The following SEM1 variants were observed in gnomAD, a reference collection of about 807,000 sequenced individuals.
SEM1 encodes SEM1 26S proteasome subunit, also known as 26S proteasome complex subunit SEM1.
Under a neutral mutation model 12.7 loss-of-function variants are expected in SEM1, and 3 were observed. That is an observed-to-expected ratio of 0.24 (90% CI 0.11 to 0.61). SEM1 has a LOEUF of 0.61. Ranked by LOEUF, SEM1 falls within the 20% of genes least tolerant of loss-of-function variation. The pLI is 0.88. For missense variants in SEM1, 59 were observed against 81.3 expected, an observed-to-expected ratio of 0.73 and a Z score of 1.06; for synonymous variants, 30 against 27.8, an observed-to-expected ratio of 1.08 and a Z score of -0.25.
At chr7:96,652,495 AATTT>A (rs1369057054) in intron 2 of SEM1, among the ~76,000 whole-genome samples, 2 of 152,116 alleles carry the variant, frequency 1.3e-5, no homozygotes, top group African/African-American at 2.4e-5. Flanking sequence ...GAATAGAGAA[AATTT>A]ATTTATCTAG....
intron 2 of SEM1, among the ~76,000 whole-genome samples, chr7:96,585,018 C>T (rs561786892): frequency 1.6e-4 from 25 of 151,672 alleles, no homozygotes; most frequent in African/African-American, 5.1e-4. Flanking sequence ...TGAGGAACTG[C>T]GTTCCTTTGG....
intron 2 of SEM1, among the ~76,000 whole-genome samples, chr7:96,615,634 T>C (rs1807694709): frequency 6.6e-6 from 1 of 152,242 alleles, no homozygotes; most frequent in Non-Finnish European, 1.5e-5. Context: ...CAAGTGCAGA[T>C]ATCTTAAATG....
exon 4 of SEM1, chr7:96,483,239 T>A (rs2117188269): frequency 6.6e-6 from 1 of 152,512 alleles, no homozygotes; most frequent in Admixed American, 6.5e-5. Flanking sequence ...TTACTCCCAC[T>A]TTTAAAAGGG....
intron 2 of SEM1, among the ~76,000 whole-genome samples, chr7:96,528,452 A>T (rs1343678186): frequency 6.6e-6 from 1 of 152,134 alleles, no homozygotes; most frequent in Non-Finnish European, 1.5e-5. Context: ...TCAGCCTCCC[A>T]AAATGCTGGG....
intron 2 of SEM1, among the ~76,000 whole-genome samples, chr7:96,641,715 T>C (rs1256443554): frequency 6.6e-6 from 1 of 152,172 alleles, no homozygotes; most frequent in African/African-American, 2.4e-5. Context: ...AATTTGGAGA[T>C]TTAGGCAGAC....
Position 96,681,115 on chromosome 7 carries a change from A to G in SEM1, c.171-7256T>C, listed in dbSNP as rs141518782. On this transcript the variant is annotated intron_variant, in intron 2 of 2. Transcript: ENST00000413065. ...TTTAATCACTTTTTGCTTGGGTGAT[A>G]TATCTTTGATTTACTCTTCAGAAGT... Among the ~76,000 whole-genome samples, 420 of 152,220 alleles carry G rather than the reference A, an allele frequency of 2.8e-3. 2 individuals carry two copies. The highest frequency in any genetic ancestry group is 9.4e-3 in the African/African-American group (389 of 41,540).
At chr7:96,605,765 C>A (rs911077653) in intron 2 of SEM1, among the ~76,000 whole-genome samples, 4 of 151,926 alleles carry the variant, frequency 2.6e-5, no homozygotes, top group African/African-American at 9.7e-5. Flanking sequence ...TCACTTTTTG[C>A]AGTTTTAGTT....
intron 2 of SEM1, among the ~76,000 whole-genome samples, chr7:96,665,387 T>C (rs2116547977): frequency 6.6e-6 from 1 of 152,340 alleles, no homozygotes; most frequent in East Asian, 1.9e-4. Context: ...CCTAAAAATA[T>C]GGCCTTGGTT....
At chr7:96,624,198 A>T (rs1406647541) in intron 2 of SEM1, among the ~76,000 whole-genome samples, 2 of 152,322 alleles carry the variant, frequency 1.3e-5, no homozygotes, top group East Asian at 1.9e-4. Flanking sequence ...ATATAAGAAG[A>T]TCTAAAATTT....
chr7:96,619,401 A>G (rs1320196768), downstream of SEM1, among the ~76,000 whole-genome samples: 1 of 118,328 alleles, frequency 8.5e-6, no homozygotes, highest in East Asian at 2.5e-4. Flanking sequence ...GACTTAAGGC[A>G]TAGCTATTAG....
At chr7:96,622,524 A>G (rs1197017736), downstream of SEM1, 6 of 720,022 alleles carry the variant, frequency 8.3e-6, no homozygotes, top group African/African-American at 8.7e-5. Context: ...GGAAGCTCTC[A>G]TATGGCAAGG....
intron 2 of SEM1, among the ~76,000 whole-genome samples, chr7:96,539,939 C>A (rs1265293098): frequency 1.3e-5 from 2 of 150,304 alleles, no homozygotes; most frequent in Non-Finnish European, 3.0e-5. Flanking sequence ...AATAGCAAAA[C>A]CTGCAATTAC....
At chr7:96,635,578 G>C (rs764550538) in intron 2 of SEM1, among the ~76,000 whole-genome samples, 7 of 152,122 alleles carry the variant, frequency 4.6e-5, no homozygotes, top group Non-Finnish European at 7.4e-5. Context: ...GAAGGAAGTA[G>C]TTCAGGGAAG....
rs116175635 is a variant in SEM1 at position 96,526,511 on chromosome 7, A to T, written c.171-19813T>A. ...CACCACCCAAACTAAACCAGAAAGA[A>T]AAAGAAGGGTCCTGGCAGCTTCCTT... On this transcript the variant is annotated intron_variant and NMD_transcript_variant, in intron 2 of 3. Transcript: ENST00000466986. 9.5e-4 allele frequency among the ~76,000 whole-genome samples: 145 copies of T among 152,244 alleles called. 1 individual carries two copies. Among genetic ancestry groups the T allele is most frequent in the African/African-American group, 3.4e-3 (141 of 41,564 alleles).
intron 2 of SEM1, among the ~76,000 whole-genome samples, chr7:96,582,776 T>C (rs1806461202): frequency 2.0e-5 from 3 of 152,388 alleles, no homozygotes; most frequent in South Asian, 2.1e-4. Context: ...GTTTGTAGTA[T>C]TATCTTATGG....
chr7:96,546,659 T>C (rs1805112460), intron 2 of SEM1, among the ~76,000 whole-genome samples: 1 of 152,108 alleles, frequency 6.6e-6, no homozygotes, highest in Non-Finnish European at 1.5e-5. Flanking sequence ...CACTGGAACA[T>C]TCCACCGGCA....
At chr7:96,686,225 CT>C (rs1256268028), downstream of SEM1, among the ~76,000 whole-genome samples, 1 of 152,072 alleles carries the variant, frequency 6.6e-6, no homozygotes, top group Non-Finnish European at 1.5e-5. Flanking sequence ...TTTTTTTCAT[CT>C]GCCTGACTAA....
In SEM1 at chr7:96,698,378, C is replaced by T. The variant is rs148015106; in HGVS notation, c.77-3487G>A. 1.9e-3 allele frequency among the ~76,000 whole-genome samples: 283 copies of T among 151,920 alleles called. 1 individual carries two copies. The highest frequency in any genetic ancestry group is 3.4e-3 in the Middle Eastern group (1 of 294). ...CATCACCTAGGTTTTAAGTCCCACA[C>T]GAATTAAGTATTTCTCCTAATGCCA... is the stretch of plus-strand genomic sequence containing the variant. On this transcript the variant is annotated intron_variant, in intron 1 of 2. Transcript: ENST00000248566.
At chr7:96,615,475 A>C (rs1281929519) in intron 2 of SEM1, among the ~76,000 whole-genome samples, 1 of 151,974 alleles carries the variant, frequency 6.6e-6, no homozygotes, top group Admixed American at 6.6e-5. Flanking sequence ...GGCTGGTCTC[A>C]AACTCCTGAT....
Sources: allele counts gnomAD v4.1 joint callset (sites outside exome capture counted in the v4.1 genomes callset), GRCh38; gene constraint gnomAD v4.1.1; transcripts MANE v1.5; gene names NCBI Gene and HGNC (gene_info 2026-07-23, HGNC 2026-07-21).